The following SPEF2 variants were observed in gnomAD, a reference collection of about 807,000 sequenced individuals.
The protein encoded by SPEF2 is sperm flagella and cilia-associated protein 2.
Under a neutral mutation model 224.6 loss-of-function variants are expected in SPEF2, and 187 were observed. The ratio of observed to expected loss-of-function variants is 0.83; its 90% CI spans 0.74 to 0.94. The LOEUF is 0.94. SPEF2 is among the 40% of genes least tolerant of loss of function. The pLI, the probability that SPEF2 is intolerant of heterozygous loss-of-function variation, is 0.00. For synonymous variants in SPEF2, 715 were observed against 707.3 expected, an observed-to-expected ratio of 1.01 and a Z score of -0.17; for missense variants, 2,170 against 2,135.6, an observed-to-expected ratio of 1.02 and a Z score of -0.32.
At chr5:35,681,905 A>C (rs1752868421) in intron 10 of SPEF2, among the ~76,000 whole-genome samples, 1 of 152,206 alleles carries the variant, frequency 6.6e-6, no homozygotes, top group South Asian at 2.1e-4. Context: ...AAAAATGGAC[A>C]CATCTGGTGA....
chr5:35,771,707 A>G lies in SPEF2; in HGVS notation c.3900A>G (p.Lys1300=). The G allele has an allele frequency of 6.2e-7, 1 of 1,602,760 alleles. No homozygotes were observed. Among genetic ancestry groups the G allele is most frequent in the South Asian group, 1.1e-5 (1 of 87,728 alleles). ...EKSPQMGANK[K]VKKEPPKKKQ... is the part of the protein sequence containing the mutation. ...CTCCTCAGATGGGTGCAAATAAAAA[A>G]GTCAAAAAGGAGCCACCCAAGAAAA... Residue 1300 remains lysine (K), a synonymous_variant, in exon 27 of 37, where the codon AAA becomes AAG. Coordinates refer to ENST00000356031, the MANE Select transcript of SPEF2 (RefSeq NM_024867.4).
intron 21 of SPEF2, among the ~76,000 whole-genome samples, chr5:35,736,492 TGTGTGTGA>T (rs1746617771): frequency 6.6e-6 from 1 of 152,006 alleles, no homozygotes; most frequent in African/African-American, 2.4e-5. Context: ...TGTGTGTGTG[TGTGTGTGA>T]AAGAGGAACT....
intron 24 of SPEF2, 83 bp from the exon 25 acceptor site, chr5:35,759,485 G>T: frequency 8.4e-7 from 1 of 1,193,710 alleles, no homozygotes; most frequent in Non-Finnish European, 1.1e-6. Context: ...TTTCAAAATA[G>T]TGCTTTCAGA....
intron 3 of SPEF2, among the ~76,000 whole-genome samples, chr5:35,644,033 T>G (rs114677695): frequency 0.014 from 2,065 of 152,170 alleles, 29 homozygotes; most frequent in South Asian, 0.054. Context: ...TTAATGAAAT[T>G]ATTTTTGCAA....
At chr5:35,763,203 C>T (rs942488175) in intron 25 of SPEF2, among the ~76,000 whole-genome samples, 1 of 152,168 alleles carries the variant, frequency 6.6e-6, no homozygotes, top group African/African-American at 2.4e-5. Context: ...AGTGTATGCT[C>T]TGGAACAAAT....
At chr5:35,618,181 A>C in intron 1 of SPEF2, 126 bp downstream of exon 1, 1 of 1,007,852 alleles carries the variant, frequency 9.9e-7, no homozygotes, top group Admixed American at 2.1e-5. Flanking sequence ...GCACCTGCGT[A>C]GCCGGCAGCA....
chr5:35,732,027 A>G (rs59555387), intron 21 of SPEF2, among the ~76,000 whole-genome samples: 2,246 of 152,328 alleles, frequency 0.015, 60 homozygotes, highest in African/African-American at 0.051. Flanking sequence ...TACATTAATT[A>G]TTGTTGTAAT....
In SPEF2 at chr5:35,659,088, G is replaced by A. The variant is rs770811953; in HGVS notation, c.1048G>A (p.Val350Met). ...GTCCCAGCAGGAGCGCAGGATTGCC[G>A]TGCAGCTCATGCATGTTCGGCATGA... ...RQSQQERRIA[V>M]QLMHVRHEKE... Residue 350 changes from valine (V) to methionine (M), a missense_variant, in exon 8 of 37, where the codon GTG becomes ATG. Val to Met is a conservative substitution (Grantham distance 21). Coordinates refer to ENST00000356031, the MANE Select transcript of SPEF2 (RefSeq NM_024867.4). The A allele has an allele frequency of 1.6e-5, 26 of 1,612,242 alleles. No individual in the cohort carries two copies. Among genetic ancestry groups the A allele is most frequent in the African/African-American group, 4.0e-5 (3 of 74,972 alleles).
At chr5:35,710,813 G>A in intron 19 of SPEF2, 16 of 984,950 alleles carry the variant, frequency 1.6e-5, no homozygotes, top group Non-Finnish European at 1.9e-5. Context: ...CTTGAATACT[G>A]TGCATTGAAG....
chr5:35,788,720 C>A (rs1339716245), intron 30 of SPEF2: 1 of 702,984 alleles, frequency 1.4e-6, no homozygotes, highest in Admixed American at 2.0e-5. Context: ...CGAGGTGGCC[C>A]TACTATTAAG....
At chr5:35,625,462 T>G (rs1744107871) in intron 1 of SPEF2, among the ~76,000 whole-genome samples, 1 of 152,158 alleles carries the variant, frequency 6.6e-6, no homozygotes, top group South Asian at 2.1e-4. Context: ...CTTTCAGCAT[T>G]CAGTCAACGT....
chr5:35,634,469 C>T (rs1745554167), intron 2 of SPEF2, among the ~76,000 whole-genome samples: 1 of 152,090 alleles, frequency 6.6e-6, no homozygotes, highest in South Asian at 2.1e-4. Flanking sequence ...TATAATATGT[C>T]TAGGTGTAGA....
At chr5:35,707,513 T>C (rs1223788075) in intron 18 of SPEF2, among the ~76,000 whole-genome samples, 2 of 152,180 alleles carry the variant, frequency 1.3e-5, no homozygotes, top group African/African-American at 4.8e-5. Flanking sequence ...AAGAGTAATC[T>C]AAGGGTGGAG....
chr5:35,705,564 C>T, intron 17 of SPEF2, 87 bp from the exon 18 acceptor site: 2 of 936,862 alleles, frequency 2.1e-6, no homozygotes. Context: ...CCTGTCTTTT[C>T]ATTACGCATG....
chr5:35,793,587 A>G (rs1756245632), intron 32 of SPEF2, among the ~76,000 whole-genome samples: 1 of 152,242 alleles, frequency 6.6e-6, no homozygotes, highest in South Asian at 2.1e-4. Flanking sequence ...GAAAGCAGTT[A>G]CATAAACTTT....
At chr5:35,643,402 G>A (rs1746877577) in intron 3 of SPEF2, 24 of 446,208 alleles carry the variant, frequency 5.4e-5, no homozygotes, top group South Asian at 3.7e-4. Flanking sequence ...ATGAGGAAGA[G>A]GGTAACATAG....
intron 2 of SPEF2, among the ~76,000 whole-genome samples, chr5:35,640,530 C>T (rs143410949): frequency 1.8e-4 from 27 of 152,180 alleles, no homozygotes; most frequent in African/African-American, 6.0e-4. Context: ...TCCAACTGTA[C>T]GATGATTTGT....
intron 21 of SPEF2, among the ~76,000 whole-genome samples, chr5:35,736,922 T>A (rs202110641): frequency 0.019 from 2,899 of 151,628 alleles, 63 homozygotes; most frequent in South Asian, 0.053. Context: ...TCCAAAAAAA[T>A]AAAAAAAAAC....
At chr5:35,803,403 T>G (rs1260900425) in intron 34 of SPEF2, among the ~76,000 whole-genome samples, 1 of 152,198 alleles carries the variant, frequency 6.6e-6, no homozygotes, top group Non-Finnish European at 1.5e-5. Context: ...GAAGCAGCTC[T>G]CCTTGAGTGC....
Sources: allele counts gnomAD v4.1 joint callset (sites outside exome capture counted in the v4.1 genomes callset), GRCh38; gene constraint gnomAD v4.1.1; transcripts MANE v1.5; gene names NCBI Gene and HGNC (gene_info 2026-07-23, HGNC 2026-07-21).